CSMD3: variants seen among roughly 807,000 people sequenced by gnomAD.
CSMD3 encodes CUB and sushi domain-containing protein 3.
CSMD3 carries 177 observed loss-of-function variants against 435.2 expected under a neutral mutation model. The observed-to-expected ratio is 0.41, with a 90% CI of 0.36 to 0.46. The LOEUF (loss-of-function observed/expected upper bound fraction) is 0.46. Ranked by LOEUF, CSMD3 falls within the 20% of genes least tolerant of loss-of-function variation. The pLI is 0.34. For missense variants in CSMD3, 4,265 were observed against 4,504.6 expected (o/e 0.95, Z 1.52); for synonymous variants, 1,656 against 1,520.5 (o/e 1.09, Z -2.07).
intron 3 of CSMD3, among the ~76,000 whole-genome samples, chr8:113,233,007 T>A (rs2093106059): frequency 1.3e-5 from 2 of 151,942 alleles, no homozygotes; most frequent in Non-Finnish European, 2.9e-5. Flanking sequence ...CTTTGTAGGC[T>A]GAAAAAGTTA....
Position 112,548,378 on chromosome 8 carries a change from T to C in CSMD3, c.4564+2293A>G, listed in dbSNP as rs1827376751. Among the ~76,000 whole-genome samples, 3 of 152,164 alleles carry C rather than the reference T, an allele frequency of 2.0e-5. No homozygotes were observed. In the South Asian group the frequency reaches 6.2e-4, roughly 31 times the overall value. ...CAGCTAATAATATATAACTGAAAGCTTTCTATTCCCCCTGGCATATTAATG... is the reference window on the plus strand; with the variant it reads ...CAGCTAATAATATATAACTGAAAGCCTTCTATTCCCCCTGGCATATTAATG... On this transcript the variant is annotated intron_variant, in intron 27 of 70. Transcript: ENST00000297405.
At chr8:112,619,532 A>G (rs1305163204) in intron 22 of CSMD3, among the ~76,000 whole-genome samples, 1 of 151,842 alleles carries the variant, frequency 6.6e-6, no homozygotes, top group Non-Finnish European at 1.5e-5. Flanking sequence ...CCTGCTTCCT[A>G]CTTCACAGAG....
intron 14 of CSMD3, among the ~76,000 whole-genome samples, chr8:112,688,331 C>T (rs930285274): frequency 2.6e-5 from 4 of 152,078 alleles, no homozygotes; most frequent in Admixed American, 6.6e-5. Flanking sequence ...AACTTCCCTT[C>T]ACAATTTGTT....
chr8:113,050,299 A>G (rs1382640703), intron 5 of CSMD3, among the ~76,000 whole-genome samples: 1 of 152,024 alleles, frequency 6.6e-6, no homozygotes, highest in African/African-American at 2.4e-5. Context: ...ACAATGAGAG[A>G]AAGAAAAAAT....
chr8:112,331,143 A>G (rs951576112), intron 45 of CSMD3, among the ~76,000 whole-genome samples: 1 of 152,090 alleles, frequency 6.6e-6, no homozygotes, highest in Non-Finnish European at 1.5e-5. Flanking sequence ...CCACTAATAT[A>G]GTGATGGCTA....
intron 1 of CSMD3, among the ~76,000 whole-genome samples, chr8:113,386,201 C>T (rs1020278934): frequency 4.0e-5 from 6 of 151,820 alleles, no homozygotes; most frequent in South Asian, 2.1e-4. Flanking sequence ...CCTCCCTTGC[C>T]TTTTTTATTT....
chr8:112,481,223 G>A (rs1458173248), intron 31 of CSMD3, among the ~76,000 whole-genome samples: 1 of 152,088 alleles, frequency 6.6e-6, no homozygotes, highest in East Asian at 1.9e-4. Flanking sequence ...GGAGGAGGAG[G>A]AGGAGCAGAA....
chr8:112,923,609 T>G (rs1471745411), intron 9 of CSMD3, among the ~76,000 whole-genome samples: 1 of 152,160 alleles, frequency 6.6e-6, no homozygotes, highest in African/African-American at 2.4e-5. Context: ...CCCTTACTGC[T>G]CTGTGTAAAA....
chr8:112,849,448 A>G (rs2080422531), intron 11 of CSMD3, among the ~76,000 whole-genome samples: 1 of 152,060 alleles, frequency 6.6e-6, no homozygotes. Context: ...TAATTTTACT[A>G]TAATTTACAT....
intron 3 of CSMD3, among the ~76,000 whole-genome samples, chr8:113,226,537 G>A (rs899383865): frequency 2.0e-5 from 3 of 151,492 alleles, no homozygotes; most frequent in African/African-American, 7.3e-5. Context: ...CCCTTGGTTC[G>A]TTTTTCTGGC....
chr8:112,618,751 T>C (rs995935609), intron 22 of CSMD3, among the ~76,000 whole-genome samples: 3 of 152,114 alleles, frequency 2.0e-5, no homozygotes, highest in Non-Finnish European at 4.4e-5. Flanking sequence ...CTATAGGCTT[T>C]ATCAGTATCA....
chr8:112,511,343 G>T (rs957946403), intron 28 of CSMD3, among the ~76,000 whole-genome samples: 2 of 151,590 alleles, frequency 1.3e-5, no homozygotes, highest in African/African-American at 4.8e-5. Flanking sequence ...TGATCAGGGT[G>T]GTGGTTGTTG....
chr8:112,935,113 C>A (rs1017325731), intron 9 of CSMD3, among the ~76,000 whole-genome samples: 1 of 152,060 alleles, frequency 6.6e-6, no homozygotes, highest in Non-Finnish European at 1.5e-5. Context: ...TTCTTCCACA[C>A]ATGAATATCC....
chr8:113,260,260 C>G (rs920348193), intron 3 of CSMD3, among the ~76,000 whole-genome samples: 5 of 152,158 alleles, frequency 3.3e-5, no homozygotes, highest in African/African-American at 1.2e-4. Flanking sequence ...CTATAACTAC[C>G]TACCTTGTTT....
intron 3 of CSMD3, among the ~76,000 whole-genome samples, chr8:113,187,891 C>T (rs761008596): frequency 1.3e-5 from 2 of 151,984 alleles, no homozygotes; most frequent in Non-Finnish European, 2.9e-5. Flanking sequence ...AATTGCCTTA[C>T]GCTTGCCTAG....
At chr8:112,364,149 T>A (rs41340951) in intron 38 of CSMD3, among the ~76,000 whole-genome samples, 4 of 151,880 alleles carry the variant, frequency 2.6e-5, no homozygotes, top group African/African-American at 4.8e-5. Context: ...TATGCTGAAT[T>A]GAATCTTTTG....
intron 10 of CSMD3, among the ~76,000 whole-genome samples, chr8:112,906,322 C>A (rs2082261219): frequency 6.6e-6 from 1 of 151,220 alleles, no homozygotes; most frequent in African/African-American, 2.4e-5. Context: ...CTGTTTACAT[C>A]ATTAGAACCC....
intron 27 of CSMD3, among the ~76,000 whole-genome samples, chr8:112,535,903 G>C (rs1354428299): frequency 1.8e-4 from 27 of 151,936 alleles, no homozygotes; most frequent in African/African-American, 4.6e-4. Context: ...ACAAACCTGA[G>C]AAAAACAAGC....
intron 27 of CSMD3, among the ~76,000 whole-genome samples, chr8:112,524,428 A>G (rs900798069): frequency 2.0e-5 from 3 of 152,018 alleles, no homozygotes; most frequent in African/African-American, 4.8e-5. Flanking sequence ...TTAGTTTTAC[A>G]TTATTAGAAG....
Sources: allele counts gnomAD v4.1 joint callset (sites outside exome capture counted in the v4.1 genomes callset), GRCh38; gene constraint gnomAD v4.1.1; transcripts MANE v1.5; gene names NCBI Gene and HGNC (gene_info 2026-07-23, HGNC 2026-07-21).